TUT7: variants seen among roughly 807,000 people sequenced by gnomAD.
The protein encoded by TUT7 is terminal uridylyl transferase 7, also known as terminal uridylyltransferase 7.
Under a neutral mutation model 165.9 loss-of-function variants are expected in TUT7, and 33 were observed. That is an observed-to-expected ratio of 0.20 (90% confidence interval 0.15 to 0.27). The LOEUF is 0.27. Among genes scored for constraint, TUT7 ranks in the 10% least tolerant of loss-of-function variants. The probability of loss-of-function intolerance (pLI) is 1.00; values close to 1 mark genes in which losing one functional copy is unlikely to be tolerated. For missense variants in TUT7, 1,338 were observed against 1,762.3 expected (o/e 0.76, Z 4.31); for synonymous variants, 552 against 608.1 (o/e 0.91, Z 1.36).
At chr9:86,294,584 T>C (rs1387133431) in intron 26 of TUT7, among the ~76,000 whole-genome samples, 4 of 61,282 alleles carry the variant, frequency 6.5e-5, no homozygotes, top group African/African-American at 3.8e-4. Context: ...TTTTATCAAC[T>C]ATAAAAAAAA....
chr9:86,301,890 T>A, intron 25 of TUT7: 4 of 979,240 alleles, frequency 4.1e-6, no homozygotes, highest in Non-Finnish European at 4.9e-6. Context: ...TTGACACTGA[T>A]GTAATGAAAG....
rs1247754608 is a variant in TUT7, at chr9:86,309,972, G to T, written c.3424C>A (p.Pro1142Thr). 6.2e-7 allele frequency: 1 copy of T among 1,613,844 alleles called. No homozygotes were observed. The highest frequency in any genetic ancestry group is 1.7e-5 in the Admixed American group (1 of 60,022). The change falls in exon 19 of 27, where the codon CCC becomes ACC. Residue 1142 changes from proline (P) to threonine (T), a missense_variant. Pro to Thr is a conservative substitution (Grantham distance 38). Around this residue, in one of 7 missense-constraint regions of TUT7, gnomAD observed 157 missense variants for 357.5 expected, o/e 0.44. Coordinates refer to ENST00000375963, the MANE Select transcript of TUT7 (RefSeq NM_024617.4). ...RLLSAYSAID[P>T]RVKYLCYTMK... Reference sequence around the variant, plus strand: ...GTATAGCACAAATACTTCACTCTGGGATCAATGGCGGAATAAGCAGATAAA... The same window carrying T: ...GTATAGCACAAATACTTCACTCTGGTATCAATGGCGGAATAAGCAGATAAA...
chr9:86,327,533 T>A (rs1829898554), intron 11 of TUT7, among the ~76,000 whole-genome samples: 1 of 152,116 alleles, frequency 6.6e-6, no homozygotes, highest in Admixed American at 6.6e-5. Context: ...ATTCACATAT[T>A]CTGGCTCCAC....
chr9:86,315,176 C>A (rs1027272758), intron 17 of TUT7, among the ~76,000 whole-genome samples: 4 of 152,290 alleles, frequency 2.6e-5, no homozygotes, highest in South Asian at 2.1e-4. Context: ...TAGGAGGCAC[C>A]CAATAAAATA....
At chr9:86,332,550 T>C (rs1192673841) in intron 10 of TUT7, among the ~76,000 whole-genome samples, 1 of 152,072 alleles carries the variant, frequency 6.6e-6, no homozygotes, top group African/African-American at 2.4e-5. Flanking sequence ...TACTTGAAGG[T>C]TAAGGGTAGA....
Position 86,317,204 on chromosome 9 carries a change from A to G in TUT7, c.3274+15T>C, listed in dbSNP as rs767296910. 6.2e-7 allele frequency: 1 copy of G among 1,609,982 alleles called. No individual in the cohort carries two copies. Among genetic ancestry groups the G allele is most frequent in the Non-Finnish European group, 8.5e-7 (1 of 1,176,628 alleles). On this transcript the variant is annotated intron_variant, in intron 17 of 26. Transcript: ENST00000375963. The stretch of plus-strand genomic sequence containing the variant: ...AAAAGTCAGAAATATTTTTAGAAAA[A>G]GTTTACAGAGGTACCTGAATGTTTT...
intron 9 of TUT7, among the ~76,000 whole-genome samples, chr9:86,337,975 C>T (rs1399954195): frequency 2.0e-5 from 3 of 152,026 alleles, no homozygotes; most frequent in Non-Finnish European, 2.9e-5. Flanking sequence ...GGGGAGAGAA[C>T]GTGGACAAAC....
chr9:86,305,643 G>A (rs1200262901), intron 22 of TUT7, among the ~76,000 whole-genome samples: 1 of 152,270 alleles, frequency 6.6e-6, no homozygotes, highest in East Asian at 1.9e-4. Flanking sequence ...GTATATAGAA[G>A]TTATAAATAC....
At chr9:86,349,686 C>G (rs1214768398) in intron 2 of TUT7, among the ~76,000 whole-genome samples, 2 of 152,058 alleles carry the variant, frequency 1.3e-5, no homozygotes, top group African/African-American at 4.8e-5. Context: ...TAATGAGATC[C>G]TTTTTAGTTT....
rs1437984771 is a variant in TUT7 at position 86,301,564 on chromosome 9, G to A, written c.4132C>T (p.Gln1378Ter). Residue 1378 changes from glutamine to a stop codon, truncating the protein, a stop_gained, in exon 26 of 27, where the codon CAA becomes TAA. Transcript: ENST00000375963. LOFTEE classifies it high-confidence loss of function. Reference protein sequence around the residue: ...RRRDQEDALNQRYPENKEKRS... With the variant: ...RRRDQEDALN ...TTTTCCTTGTTCTCAGGGTATCTTT[G>A]GTTCAGGGCATCTTCCTGATCTCGC... 6.2e-7 allele frequency: 1 copy of A among 1,612,888 alleles called. No homozygotes were observed. Among genetic ancestry groups the A allele is most frequent in the South Asian group, 1.1e-5 (1 of 91,012 alleles).
At chr9:86,333,554 G>C (rs376327783) in intron 10 of TUT7, among the ~76,000 whole-genome samples, 3 of 152,200 alleles carry the variant, frequency 2.0e-5, no homozygotes, top group African/African-American at 4.8e-5. Context: ...TGGATTTCTA[G>C]CATTTCCTTT....
At chr9:86,293,276 CCT>C (rs890874028) in intron 26 of TUT7, among the ~76,000 whole-genome samples, 3 of 151,982 alleles carry the variant, frequency 2.0e-5, no homozygotes, top group Admixed American at 2.0e-4. Context: ...ATGGCGAGAC[CCT>C]GTCTCTACAA....
chr9:86,295,271 A>C (rs940104638), intron 26 of TUT7, among the ~76,000 whole-genome samples: 4 of 152,190 alleles, frequency 2.6e-5, no homozygotes. Context: ...ATGAAAAAGC[A>C]ATAATATTTA....
intron 26 of TUT7, 122 bp from the exon 27 acceptor site, chr9:86,288,866 T>C: frequency 1.5e-6 from 1 of 651,426 alleles, no homozygotes; most frequent in East Asian, 2.8e-5. Flanking sequence ...TGGTCACTTG[T>C]TTTGAATCAA....
chr9:86,310,826 A>C lies in TUT7; in HGVS notation c.3275-17T>G. On this transcript the variant is annotated splice_polypyrimidine_tract_variant and intron_variant, in intron 17 of 26. Transcript: ENST00000375963. ...TTCTCAGACCTAAGTTGGGAAATAA[A>C]ATGTTATCATTAAATACAGCAGCTG... The C allele has an allele frequency of 7.1e-7, 1 of 1,417,522 alleles. No individual in the cohort carries two copies. The highest frequency in any genetic ancestry group is 1.0e-6 in the Non-Finnish European group (1 of 1,001,570). 87.8% of individuals were successfully genotyped at this position (1,417,522 alleles called of 1,614,324 possible).
chr9:86,300,997 T>A (rs1275205514), intron 26 of TUT7, among the ~76,000 whole-genome samples: 1 of 152,228 alleles, frequency 6.6e-6, no homozygotes, highest in Non-Finnish European at 1.5e-5. Flanking sequence ...TGAGGCTACA[T>A]GTGCAGGTAC....
At chr9:86,336,005 C>G (rs1830741638) in intron 10 of TUT7, among the ~76,000 whole-genome samples, 1 of 152,134 alleles carries the variant, frequency 6.6e-6, no homozygotes, top group Admixed American at 6.5e-5. Flanking sequence ...CTGAAGTATC[C>G]TTAGGAGAAT....
chr9:86,322,120 T>C (rs1042200056), intron 14 of TUT7, among the ~76,000 whole-genome samples: 4 of 152,060 alleles, frequency 2.6e-5, no homozygotes, highest in Non-Finnish European at 5.9e-5. Flanking sequence ...AGATCCTCCC[T>C]GCATCTCTCC....
At chr9:86,330,638 T>C (rs1207856538) in intron 10 of TUT7, among the ~76,000 whole-genome samples, 3 of 152,200 alleles carry the variant, frequency 2.0e-5, no homozygotes, top group Non-Finnish European at 4.4e-5. Context: ...TTGATTTTAG[T>C]ATGTTAAGAA....
Sources: allele counts gnomAD v4.1 joint callset (sites outside exome capture counted in the v4.1 genomes callset), GRCh38; gene constraint gnomAD v4.1.1; regional missense constraint gnomAD v4.1.1; transcripts MANE v1.5; gene names NCBI Gene and HGNC (gene_info 2026-07-23, HGNC 2026-07-21).